The following OSBP2 variants were observed in gnomAD, a reference collection of about 807,000 sequenced individuals.
OSBP2 encodes oxysterol binding protein 2, also known as oxysterol-binding protein 2.
A neutral mutation model predicts 96.0 loss-of-function variants in OSBP2; 66 were observed. The observed-to-expected ratio is 0.69, with a 90% CI of 0.56 to 0.84. OSBP2 has a LOEUF of 0.84. Among genes scored for constraint, OSBP2 ranks in the 40% least tolerant of loss-of-function variants. The pLI is 0.00. For synonymous variants in OSBP2, 525 were observed against 520.9 expected, an observed-to-expected ratio of 1.01 and a Z score of -0.11; for missense variants, 1,038 against 1,222.7, an observed-to-expected ratio of 0.85 and a Z score of 2.25.
intron 1 of OSBP2, among the ~76,000 whole-genome samples, chr22:30,729,406 G>A (rs551615241): frequency 2.8e-4 from 42 of 152,318 alleles, no homozygotes; most frequent in African/African-American, 9.1e-4. Context: ...GGGAGGCCAA[G>A]GTGGGAGGAT....
rs751653974 is a variant in OSBP2 at position 30,893,114 on chromosome 22, G to C, written c.1870-8G>C. 14 of 1,613,526 alleles carry C rather than the reference G, an allele frequency of 8.7e-6. No individual in the cohort carries two copies. Among genetic ancestry groups the C allele is most frequent in the African/African-American group, 1.3e-5 (1 of 74,908 alleles). On this transcript the variant is annotated splice_polypyrimidine_tract_variant and splice_region_variant and intron_variant, in intron 8 of 13. Transcript: ENST00000332585. ...GCAGATGCTCACATCCTATGGGTCTGGTCTCAGGTGAGCCACCACCCCCCC... is the reference window on the plus strand; with the variant it reads ...GCAGATGCTCACATCCTATGGGTCTCGTCTCAGGTGAGCCACCACCCCCCC...
intron 2 of OSBP2, among the ~76,000 whole-genome samples, chr22:30,853,953 G>A (rs568053026): frequency 5.3e-5 from 8 of 151,942 alleles, no homozygotes; most frequent in East Asian, 1.9e-4. Flanking sequence ...TAGAGACGGG[G>A]TTTCACCGTG....
chr22:30,776,446 T>A (rs1292162104), intron 2 of OSBP2, among the ~76,000 whole-genome samples: 1 of 152,122 alleles, frequency 6.6e-6, no homozygotes, highest in East Asian at 1.9e-4. Flanking sequence ...CTGTTAATGG[T>A]GCATGATATT....
intron 12 of OSBP2, among the ~76,000 whole-genome samples, chr22:30,895,214 G>C (rs999369654): frequency 1.3e-5 from 2 of 151,892 alleles, no homozygotes; most frequent in Non-Finnish European, 2.9e-5. Flanking sequence ...GATTCCTAGG[G>C]TAACCGCTAA....
intron 3 of OSBP2, among the ~76,000 whole-genome samples, chr22:30,886,797 T>C (rs1307073917): frequency 6.6e-6 from 1 of 152,092 alleles, no homozygotes; most frequent in Admixed American, 6.5e-5. Context: ...TATCAGAGCT[T>C]AGTCCTCACA....
Position 30,907,090 on chromosome 22 carries a change from C to T in OSBP2, c.*751C>T, listed in dbSNP as rs1025420278. 5.2e-5 allele frequency: 8 copies of T among 152,752 alleles called. No individual in the cohort carries two copies. The highest frequency in any genetic ancestry group is 1.9e-4 in the African/African-American group (8 of 41,578). 9.5% of individuals were successfully genotyped at this position (152,752 alleles called of 1,614,324 possible). ...CAGCAGTCCCTGGCCTCACCCTAGC[C>T]AGCCTGGGTGGCTCCCTAGCCCCAA... On this transcript the variant is annotated 3_prime_UTR_variant, in exon 14 of 14. Coordinates refer to ENST00000332585, the MANE Select transcript of OSBP2 (RefSeq NM_030758.4).
intron 3 of OSBP2, among the ~76,000 whole-genome samples, chr22:30,883,436 C>A (rs577481618): frequency 6.6e-6 from 1 of 152,244 alleles, no homozygotes; most frequent in Non-Finnish European, 1.5e-5. Flanking sequence ...AGCCTTGAGA[C>A]CAGCTCAGCA....
intron 1 of OSBP2, among the ~76,000 whole-genome samples, chr22:30,699,415 G>C (rs555397676): frequency 1.3e-5 from 2 of 152,140 alleles, no homozygotes; most frequent in Non-Finnish European, 2.9e-5. Flanking sequence ...ATGTGTGCCG[G>C]AATTTCTCTT....
chr22:30,751,355 A>T (rs183818630), intron 2 of OSBP2, among the ~76,000 whole-genome samples: 9,267 of 150,904 alleles, frequency 0.061, 392 homozygotes, highest in African/African-American at 0.11. Flanking sequence ...ATATATATAT[A>T]TTTTTTTCTT....
chr22:30,861,405 G>T (rs940469748), intron 2 of OSBP2, among the ~76,000 whole-genome samples: 2 of 152,210 alleles, frequency 1.3e-5, no homozygotes, highest in East Asian at 1.9e-4. Flanking sequence ...GGTCTCCTCA[G>T]CTTCCTGCAA....
chr22:30,713,931 C>T (rs5997737), intron 1 of OSBP2, among the ~76,000 whole-genome samples: 91,065 of 151,916 alleles, frequency 0.6, 28,489 homozygotes, highest in Non-Finnish European at 0.71. Context: ...TCCTGTCTTC[C>T]GGTTATTTGA....
intron 2 of OSBP2, among the ~76,000 whole-genome samples, chr22:30,760,596 A>C (rs1336411751): frequency 6.6e-6 from 1 of 152,128 alleles, no homozygotes; most frequent in East Asian, 1.9e-4. Flanking sequence ...CAGGCAGATC[A>C]CTTGAAGTCA....
chr22:30,843,446 C>CTG (rs1440380968), intron 2 of OSBP2, among the ~76,000 whole-genome samples: 3 of 116,714 alleles, frequency 2.6e-5, no homozygotes, highest in Admixed American at 7.5e-5. Flanking sequence ...GGAATCTTTC[C>CTG]CCCCTCCCCC....
intron 2 of OSBP2, among the ~76,000 whole-genome samples, chr22:30,774,675 T>C (rs1345387199): frequency 6.6e-6 from 1 of 152,240 alleles, no homozygotes; most frequent in Non-Finnish European, 1.5e-5. Flanking sequence ...AATCTAGATA[T>C]AGAATTTTAT....
chr22:30,894,380 G>A (rs2040019595), intron 12 of OSBP2: 1 of 209,354 alleles, frequency 4.8e-6, no homozygotes, highest in Non-Finnish European at 9.7e-6. Context: ...TGAGAACCCT[G>A]TGGAATGGTT....
chr22:30,866,564 C>T lies in OSBP2; in HGVS notation c.854-3865C>T, dbSNP rs940017145. 2.2e-4 allele frequency among the ~76,000 whole-genome samples: 34 copies of T among 152,186 alleles called. 2 individuals carry two copies. Among genetic ancestry groups the T allele is most frequent in the Non-Finnish European group, 2.9e-5 (2 of 68,040 alleles). On this transcript the variant is annotated intron_variant, in intron 2 of 13. Coordinates refer to ENST00000332585, the MANE Select transcript of OSBP2 (RefSeq NM_030758.4). ...CCAGCCTGGCCAACATAGTGAAACT[C>T]CCTCTCTACTAAAAATACAAAAATT...
At chr22:30,834,106 G>C (rs949003918) in intron 2 of OSBP2, among the ~76,000 whole-genome samples, 2 of 151,932 alleles carry the variant, frequency 1.3e-5, no homozygotes, top group African/African-American at 4.8e-5. Context: ...CTGGGGTGCA[G>C]TGGTGTGATC....
rs187062575 is a variant in OSBP2, at chr22:30,709,473, A to G, written c.644+13920A>G. 9.2e-5 allele frequency among the ~76,000 whole-genome samples: 14 copies of G among 152,140 alleles called. No individual in the cohort carries two copies. In the East Asian group the frequency reaches 2.7e-3, roughly 29 times the overall value. On this transcript the variant is annotated intron_variant, in intron 1 of 13. Transcript: ENST00000332585. Reference sequence around the variant, plus strand: ...CTCTTTTTTTGTGATGTTAGCAGCTAGTGATGATCAATCTTAGATTAGTCT... The same window carrying G: ...CTCTTTTTTTGTGATGTTAGCAGCTGGTGATGATCAATCTTAGATTAGTCT...
intron 2 of OSBP2, among the ~76,000 whole-genome samples, chr22:30,866,568 C>T (rs1036995621): frequency 6.6e-6 from 1 of 152,172 alleles, no homozygotes; most frequent in Non-Finnish European, 1.5e-5. Context: ...GAAACTCCCT[C>T]TCTACTAAAA....
Sources: gnomAD v4.1 joint callset for allele counts (sites outside exome capture counted in the v4.1 genomes callset) on GRCh38, gnomAD v4.1.1 for gene constraint, MANE v1.5 for transcripts, NCBI Gene and HGNC (gene_info 2026-07-23, HGNC 2026-07-21) for gene names.